SLC9C2: variants seen among roughly 807,000 people sequenced by gnomAD.
SLC9C2 encodes the protein sodium/hydrogen exchanger 11.
A neutral mutation model predicts 140.2 loss-of-function variants in SLC9C2; 75 were observed. That is an observed-to-expected ratio of 0.53 (90% confidence interval 0.44 to 0.65). The LOEUF is 0.65. Among genes scored for constraint, SLC9C2 ranks in the 30% least tolerant of loss-of-function variants. SLC9C2 has a pLI of 0.00. For synonymous variants in SLC9C2, 375 were observed against 420.9 expected, an observed-to-expected ratio of 0.89 and a Z score of 1.34; for missense variants, 1,074 against 1,331.8, an observed-to-expected ratio of 0.81 and a Z score of 3.01.
intron 13 of SLC9C2, among the ~76,000 whole-genome samples, chr1:173,543,914 C>T (rs1662635175): frequency 6.6e-6 from 1 of 152,160 alleles, no homozygotes; most frequent in African/African-American, 2.4e-5. Context: ...CAGAAGAAAA[C>T]CTAGGCAATA....
chr1:173,547,006 A>G lies in SLC9C2; in HGVS notation c.1557+683T>C, dbSNP rs1040554403. On this transcript the variant is annotated intron_variant, in intron 13 of 27. Transcript: ENST00000367714. ...AAGGTTGGGTGATGGGTACATGAGG[A>G]TTTATTACACTATTCTATCTACTTT... 5.9e-5 allele frequency among the ~76,000 whole-genome samples: 9 copies of G among 152,114 alleles called. No homozygotes were observed. The East Asian group carries it at 1.7e-3, about 29-fold the overall frequency.
At chr1:173,507,508 G>GCGCA (rs1553245482) in intron 24 of SLC9C2, among the ~76,000 whole-genome samples, 28 of 128,190 alleles carry the variant, frequency 2.2e-4, no homozygotes, top group Non-Finnish European at 3.0e-4. Context: ...GTTGAATTGT[G>GCGCA]CACACACACA....
intron 4 of SLC9C2, among the ~76,000 whole-genome samples, chr1:173,592,812 T>C (rs1289361782): frequency 4.6e-5 from 7 of 152,236 alleles, no homozygotes; most frequent in Non-Finnish European, 8.8e-5. Flanking sequence ...AGGGATAGTT[T>C]GACTTCCTCT....
intron 15 of SLC9C2, among the ~76,000 whole-genome samples, chr1:173,535,567 C>T (rs185942967): frequency 6.6e-6 from 1 of 152,268 alleles, no homozygotes; most frequent in Admixed American, 6.5e-5. Context: ...GCCCGCAACA[C>T]ACTACAACCC....
chr1:173,511,374 T>C (rs1239725627), intron 23 of SLC9C2, among the ~76,000 whole-genome samples: 1 of 152,140 alleles, frequency 6.6e-6, no homozygotes, highest in African/African-American at 2.4e-5. Flanking sequence ...TGGTGTGAGA[T>C]GGTATTTCAT....
chr1:173,573,272 C>A lies in SLC9C2; in HGVS notation c.956G>T (p.Gly319Val). 6.4e-7 allele frequency: 1 copy of A among 1,574,742 alleles called. No homozygotes were observed. The highest frequency in any genetic ancestry group is 8.7e-7 in the Non-Finnish European group (1 of 1,146,518). The change falls in exon 9 of 28, where the codon GGC becomes GTC. Residue 319 changes from glycine (G) to valine (V), a missense_variant. Transcript: ENST00000367714. ...VYEHLIYAFF[G>V]IVIGCGELSH... ...GAGTTCTCCACATCCAATCACAATG[C>A]CAAAGAAAGCATATATTAAATGTTC... is the stretch of plus-strand genomic sequence containing the variant.
chr1:173,561,618 A>G (rs1427034285), intron 9 of SLC9C2, among the ~76,000 whole-genome samples: 1 of 152,110 alleles, frequency 6.6e-6, no homozygotes. Context: ...ACAATCTCTC[A>G]GGAGTATGAC....
At chr1:173,521,933 C>T (rs904995843) in intron 21 of SLC9C2, among the ~76,000 whole-genome samples, 1 of 148,438 alleles carries the variant, frequency 6.7e-6, no homozygotes, top group Non-Finnish European at 1.5e-5. Context: ...GGCGCGGTGG[C>T]TTACGCCTGT....
chr1:173,545,932 C>T (rs1187059795), intron 13 of SLC9C2, among the ~76,000 whole-genome samples: 1 of 152,140 alleles, frequency 6.6e-6, no homozygotes, highest in Non-Finnish European at 1.5e-5. Context: ...GAGACTGCTT[C>T]TTTGCATGGC....
At chr1:173,543,831 T>A (rs1236896063) in intron 13 of SLC9C2, among the ~76,000 whole-genome samples, 1 of 152,190 alleles carries the variant, frequency 6.6e-6, no homozygotes, top group Non-Finnish European at 1.5e-5. Context: ...GATCCCTTCC[T>A]TACACCTTAT....
intron 7 of SLC9C2, among the ~76,000 whole-genome samples, chr1:173,577,247 C>T (rs891482991): frequency 1.3e-5 from 2 of 152,206 alleles, no homozygotes; most frequent in African/African-American, 4.8e-5. Context: ...AAAATAAGTT[C>T]AACAGCCCTC....
intron 11 of SLC9C2, among the ~76,000 whole-genome samples, chr1:173,552,997 G>A (rs1437009811): frequency 6.6e-6 from 1 of 152,182 alleles, no homozygotes; most frequent in East Asian, 1.9e-4. Context: ...ATTCATAGCA[G>A]GAGGTCAAAA....
At chr1:173,532,678 A>G (rs978681228) in intron 17 of SLC9C2, among the ~76,000 whole-genome samples, 1 of 152,164 alleles carries the variant, frequency 6.6e-6, no homozygotes. Context: ...CAAGATTTTT[A>G]TTCTTTCACT....
chr1:173,550,910 A>AGAGAGAGAC (rs1663250391), intron 11 of SLC9C2, among the ~76,000 whole-genome samples: 1 of 47,736 alleles, frequency 2.1e-5, no homozygotes, highest in Admixed American at 1.8e-4. Flanking sequence ...GAGAGAGAGA[A>AGAGAGAGAC]GGAAGGGAAG....
intron 9 of SLC9C2, among the ~76,000 whole-genome samples, chr1:173,560,359 G>A (rs1664024063): frequency 6.6e-6 from 1 of 152,196 alleles, no homozygotes; most frequent in Non-Finnish European, 1.5e-5. Context: ...GGCCTGCATG[G>A]CTCTGCCTCT....
At chr1:173,602,105 T>A (rs1666820442) in intron 1 of SLC9C2, among the ~76,000 whole-genome samples, 1 of 152,174 alleles carries the variant, frequency 6.6e-6, no homozygotes, top group South Asian at 2.1e-4. Context: ...CACTTACCAT[T>A]GTAATGATAT....
rs759371408 is a variant in SLC9C2 at position 173,530,031 on chromosome 1, TC to T, written c.2186del (p.Arg729LysfsTer13). On this transcript the variant is annotated frameshift_variant, in exon 18 of 28. Transcript: ENST00000367714. LOFTEE classifies it high-confidence loss of function. Reference protein sequence around the residue: ...LFKIIVPILIRIADVQIKKRL... With the variant: ...LFKIIVPILIXIADVQIKKRL... ...GCTTTTTGATCTGCACATCTGCAAT[TC>T]TTATCAGTATTGGTACTATTATCTG... 6 of 1,611,386 alleles carry T rather than the reference TC, an allele frequency of 3.7e-6. No individual in the cohort carries two copies. The highest frequency in any genetic ancestry group is 5.1e-6 in the Non-Finnish European group (6 of 1,179,428).
Position 173,576,006 on chromosome 1 carries a change from C to T in SLC9C2, c.902+655G>A, listed in dbSNP as rs140400998. Among the ~76,000 whole-genome samples, 67 of 152,244 alleles carry T rather than the reference C, an allele frequency of 4.4e-4. No homozygotes were observed. The East Asian group carries it at 0.011, about 24-fold the overall frequency. Reference sequence around the variant, plus strand: ...ACATAATTTCATAGTAATGCATAGTCCTTATATTAAATAAATTAATTTTCA... The same window carrying T: ...ACATAATTTCATAGTAATGCATAGTTCTTATATTAAATAAATTAATTTTCA... On this transcript the variant is annotated intron_variant, in intron 8 of 27. Transcript: ENST00000367714.
At chr1:173,510,732 T>C (rs941925526) in intron 23 of SLC9C2, among the ~76,000 whole-genome samples, 2 of 152,220 alleles carry the variant, frequency 1.3e-5, no homozygotes, top group Non-Finnish European at 2.9e-5. Context: ...ATCCAGTCTA[T>C]CATTGATGGG....
Sources: allele counts gnomAD v4.1 joint callset (sites outside exome capture counted in the v4.1 genomes callset), GRCh38; gene constraint gnomAD v4.1.1; transcripts MANE v1.5; gene names NCBI Gene and HGNC (gene_info 2026-07-23, HGNC 2026-07-21).